Variants in SIGLEC15 observed in about 807,000 individuals in gnomAD.
SIGLEC15 encodes the protein sialic acid binding Ig like lectin 15, also known as sialic acid-binding Ig-like lectin 15.
In SIGLEC15, 31 loss-of-function variants were observed where a neutral mutation model predicts 26.2. The ratio of observed to expected loss-of-function variants is 1.18; its 90% CI spans 0.89 to 1.60. The LOEUF (loss-of-function observed/expected upper bound fraction) is 1.60. Among genes scored for constraint, SIGLEC15 ranks in the 40% most tolerant of loss-of-function variants. SIGLEC15 has a pLI of 0.00. For synonymous variants in SIGLEC15, 207 were observed against 221.9 expected, an observed-to-expected ratio of 0.93 and a Z score of 0.60; for missense variants, 501 against 488.4, an observed-to-expected ratio of 1.03 and a Z score of -0.24.
At chr18:45,836,985 A>G (rs1362344014) in intron 1 of SIGLEC15, 44 bp from the exon 2 acceptor site, 2 of 1,002,716 alleles carry the variant, frequency 2.0e-6, no homozygotes, top group African/African-American at 1.6e-5. Flanking sequence ...TCTGAGCCTC[A>G]GTTTATTCAC....
chr18:45,837,638 A>G lies in SIGLEC15; in HGVS notation c.238A>G (p.Ile80Val), dbSNP rs529344368. 5 of 1,507,338 alleles carry G rather than the reference A, an allele frequency of 3.3e-6. No homozygotes were observed. The South Asian group carries it at 6.2e-5, about 19-fold the overall frequency. 93.4% of individuals were successfully genotyped at this position (1,507,338 alleles called of 1,614,324 possible). A position where few individuals can be genotyped will look rare whatever the true frequency, so the allele number is the denominator to read the frequency against. ...HRHYDGPLTA[I>V]WRAGEPYAGP... ...CCACTACGACGGGCCGCTGACGGCC[A>G]TCTGGCGCGCGGGCGAGCCCTATGC... Residue 80 changes from isoleucine (I) to valine (V), a missense_variant, in exon 3 of 6, where the codon ATC (isoleucine) becomes GTC (valine). Coordinates refer to ENST00000389474, the MANE Select transcript of SIGLEC15 (RefSeq NM_213602.3).
Position 45,842,316 on chromosome 18 carries a change from G to T in SIGLEC15, c.*129G>T, listed in dbSNP as rs1025944102. The T allele has an allele frequency of 1.9e-5, 17 of 903,518 alleles. No individual in the cohort carries two copies. The highest frequency in any genetic ancestry group is 2.8e-5 in the Non-Finnish European group (16 of 572,450). The allele number at this position is 903,518 out of a possible 1,614,324, so 56.0% of individuals were successfully genotyped here. A position where few individuals can be genotyped will look rare whatever the true frequency, so the allele number is the denominator to read the frequency against. On this transcript the variant is annotated 3_prime_UTR_variant, in exon 6 of 6. Transcript: ENST00000389474. ...CCCCCAGCTGGGTGGCTCCTCCCCTGCTCAAGGTCAAGACCCTGCTCAAGG... is the reference window on the plus strand; with the variant it reads ...CCCCCAGCTGGGTGGCTCCTCCCCTTCTCAAGGTCAAGACCCTGCTCAAGG...
rs371549477 is a variant in SIGLEC15, at chr18:45,837,037, G to A, written c.61G>A (p.Val21Met). The A allele has an allele frequency of 1.4e-6, 2 of 1,479,098 alleles. No homozygotes were observed. The highest frequency in any genetic ancestry group is 1.4e-5 in the African/African-American group (1 of 72,104). 91.6% of individuals were successfully genotyped at this position (1,479,098 alleles called of 1,614,324 possible). ...LAWVLPTGSFVRTKIDTTENL... is the reference protein window; with the variant it reads ...LAWVLPTGSFMRTKIDTTENL... ...ACTGTGTTTATCTGTAGGCTCATTT[G>A]TGAGAACTAAAATAGATACTACGGA... The change falls in exon 2 of 6, where the codon GTG (valine) becomes ATG (methionine). Residue 21 changes from valine to methionine, a missense_variant. Physicochemically the swap from Val to Met is conservative, Grantham distance 21. Transcript: ENST00000389474.
chr18:45,842,476 T>A lies in SIGLEC15; in HGVS notation c.*289T>A. ...GAGAGAGAGAGTACACGCATTAGCT[T>A]GAGCGTGAAACTTCCAGAAATGTTC... On this transcript the variant is annotated 3_prime_UTR_variant, in exon 6 of 6. Transcript: ENST00000389474. The A allele has an allele frequency of 2.7e-6, 1 of 373,306 alleles. No homozygotes were observed. The highest frequency in any genetic ancestry group is 4.9e-6 in the Non-Finnish European group (1 of 203,116). The allele number at this position is 373,306 out of a possible 1,614,324, so 23.1% of individuals were successfully genotyped here. A position where few individuals can be genotyped will look rare whatever the true frequency, so the allele number is the denominator to read the frequency against.
Position 45,839,066 on chromosome 18 carries a change from T to C in SIGLEC15, c.845T>C (p.Leu282Pro). The change falls in exon 4 of 6, where the codon CTG becomes CCG. Residue 282 changes from leucine (L) to proline (P), a missense_variant. Coordinates refer to ENST00000389474, the MANE Select transcript of SIGLEC15 (RefSeq NM_213602.3). ...AAGGCGCTGCTGCTGCTCGGGGTCC[T>C]GGCCGCCCGCGCTGCCCGCCGCCGC... Reference protein sequence around the residue: ...GFKALLLLGVLAARAARRRPE... With the variant: ...GFKALLLLGVPAARAARRRPE... The C allele has an allele frequency of 6.8e-7, 1 of 1,471,354 alleles. No individual in the cohort carries two copies. The highest frequency in any genetic ancestry group is 8.9e-7 in the Non-Finnish European group (1 of 1,122,656). The allele number at this position is 1,471,354 out of a possible 1,614,324, so 91.1% of individuals were successfully genotyped here. A position where few individuals can be genotyped will look rare whatever the true frequency, so the allele number is the denominator to read the frequency against.
intron 2 of SIGLEC15, 142 bp downstream of exon 2, chr18:45,837,230 A>T: frequency 7.2e-7 from 1 of 1,389,572 alleles, no homozygotes; most frequent in Non-Finnish European, 9.5e-7. Context: ...CTGCAGGTGA[A>T]TTAGGAAACG....
intron 3 of SIGLEC15, 45 bp downstream of exon 3, chr18:45,837,941 C>A (rs754916237): frequency 9.1e-6 from 13 of 1,432,122 alleles, no homozygotes; most frequent in Non-Finnish European, 1.2e-5. Context: ...TTCCCGCCCT[C>A]CCGCCTGCCC....
chr18:45,829,816 G>A (rs991235046), intron 1 of SIGLEC15, among the ~76,000 whole-genome samples: 2 of 152,074 alleles, frequency 1.3e-5, no homozygotes, highest in African/African-American at 2.4e-5. Context: ...TCCTGGAGGC[G>A]TGGTCTTCCT....
Position 45,830,212 on chromosome 18 carries a change from G to A in SIGLEC15, c.52+4432G>A, listed in dbSNP as rs535913806. On this transcript the variant is annotated intron_variant, in intron 1 of 5. Coordinates refer to ENST00000389474, the MANE Select transcript of SIGLEC15 (RefSeq NM_213602.3). ...CTGGTGGAGATTTTGGTCAGCTGTG[G>A]CAAAACCAAGGTTTCTGTTTCTGAC... 3.3e-5 allele frequency among the ~76,000 whole-genome samples: 5 copies of A among 152,332 alleles called. No homozygotes were observed. In the East Asian group the frequency reaches 9.6e-4, roughly 29 times the overall value.
intron 5 of SIGLEC15, among the ~76,000 whole-genome samples, chr18:45,841,839 G>C (rs749556620): frequency 1.3e-5 from 2 of 152,166 alleles, no homozygotes; most frequent in African/African-American, 4.8e-5. Flanking sequence ...CGGAGATTCC[G>C]ATTTGTAGGT....
intron 1 of SIGLEC15, among the ~76,000 whole-genome samples, chr18:45,826,092 C>A (rs928589264): frequency 6.6e-6 from 1 of 152,136 alleles, no homozygotes; most frequent in African/African-American, 2.4e-5. Flanking sequence ...ACAGAGAGGA[C>A]ATCACAGGCT....
rs762886341 is a variant in SIGLEC15, at chr18:45,838,876, G to C, written c.655G>C (p.Gly219Arg). 6.3e-7 allele frequency: 1 copy of C among 1,590,026 alleles called. No individual in the cohort carries two copies. Among genetic ancestry groups the C allele is most frequent in the Admixed American group, 1.7e-5 (1 of 57,662 alleles). Residue 219 changes from glycine (G) to arginine (R), a missense_variant, in exon 4 of 6, where the codon GGC (glycine) becomes CGC (arginine). Transcript: ENST00000389474. ...CGTGCGGAGCCCGCGTGAGGGTCAC[G>C]GCCACCTAGTGACCGCCGAACTGCC... ...AAVRSPREGH[G>R]HLVTAELPAL...
At chr18:45,826,055 G>A (rs995659973) in intron 1 of SIGLEC15, among the ~76,000 whole-genome samples, 1 of 152,168 alleles carries the variant, frequency 6.6e-6, no homozygotes, top group Non-Finnish European at 1.5e-5. Flanking sequence ...CCATTGCTGC[G>A]AGCATCCAGA....
intron 3 of SIGLEC15, among the ~76,000 whole-genome samples, chr18:45,838,270 C>G (rs2048293659): frequency 6.6e-6 from 1 of 152,158 alleles, no homozygotes; most frequent in African/African-American, 2.4e-5. Context: ...CTCGCAGCCC[C>G]TCTACCCAGG....
chr18:45,837,522 C>T lies in SIGLEC15; in HGVS notation c.122C>T (p.Ala41Val). ...CCCGCCCCGCCCTCAGGCTCGCCAGCGCAGCGCTGGTCCATGCAGGTGCCA... is the reference window on the plus strand; with the variant it reads ...CCCGCCCCGCCCTCAGGCTCGCCAGTGCAGCGCTGGTCCATGCAGGTGCCA... Reference protein sequence around the residue: ...LLNTEVHSSPAQRWSMQVPPE... With the variant: ...LLNTEVHSSPVQRWSMQVPPE... The change falls in exon 3 of 6, where the codon GCG becomes GTG. Residue 41 changes from alanine (A) to valine (V), a missense_variant. By Grantham distance (64) the Ala-to-Val change is moderately conservative. Coordinates refer to ENST00000389474, the MANE Select transcript of SIGLEC15 (RefSeq NM_213602.3). The T allele has an allele frequency of 2.0e-6, 3 of 1,510,738 alleles. No homozygotes were observed. Among genetic ancestry groups the T allele is most frequent in the South Asian group, 1.2e-5 (1 of 81,986 alleles). The allele number at this position is 1,510,738 out of a possible 1,614,324, so 93.6% of individuals were successfully genotyped here. A position where few individuals can be genotyped will look rare whatever the true frequency, so the allele number is the denominator to read the frequency against.
At chr18:45,830,263 T>C (rs2048222946) in intron 1 of SIGLEC15, among the ~76,000 whole-genome samples, 1 of 152,234 alleles carries the variant, frequency 6.6e-6, no homozygotes, top group Non-Finnish European at 1.5e-5. Flanking sequence ...CTTCTGCTGG[T>C]GTAGGCTCCC....
Position 45,839,056 on chromosome 18 carries a change from C to T in SIGLEC15, c.835C>T (p.Leu279Phe). The T allele has an allele frequency of 6.6e-7, 1 of 1,512,812 alleles. No homozygotes were observed. The highest frequency in any genetic ancestry group is 2.7e-5 in the East Asian group (1 of 37,262). 93.7% of individuals were successfully genotyped at this position (1,512,812 alleles called of 1,614,324 possible). Residue 279 changes from leucine (L) to phenylalanine (F), a missense_variant, in exon 4 of 6, where the codon CTC (leucine) becomes TTC (phenylalanine). Coordinates refer to ENST00000389474, the MANE Select transcript of SIGLEC15 (RefSeq NM_213602.3). Reference sequence around the variant, plus strand: ...TCTCGGCTTCAAGGCGCTGCTGCTGCTCGGGGTCCTGGCCGCCCGCGCTGC... The same window carrying T: ...TCTCGGCTTCAAGGCGCTGCTGCTGTTCGGGGTCCTGGCCGCCCGCGCTGC... ...GALGFKALLL[L>F]GVLAARAARR...
chr18:45,836,392 T>A (rs2048276119), intron 1 of SIGLEC15, among the ~76,000 whole-genome samples: 1 of 151,552 alleles, frequency 6.6e-6, no homozygotes, highest in Non-Finnish European at 1.5e-5. Flanking sequence ...GATCCTTTTG[T>A]GAACTGCACC....
intron 1 of SIGLEC15, among the ~76,000 whole-genome samples, chr18:45,827,149 C>CA (rs1462877378): frequency 6.6e-6 from 1 of 152,318 alleles, no homozygotes; most frequent in Non-Finnish European, 1.5e-5. Context: ...CTCCTGACCT[C>CA]AAGTGATCAG....
Sources: gnomAD v4.1 joint callset for allele counts (sites outside exome capture counted in the v4.1 genomes callset) on GRCh38, gnomAD v4.1.1 for gene constraint, MANE v1.5 for transcripts, NCBI Gene and HGNC (gene_info 2026-07-23, HGNC 2026-07-21) for gene names.